The following ADAMTS17 variants were observed in gnomAD, a reference collection of about 807,000 sequenced individuals.
ADAMTS17 encodes the protein ADAM metallopeptidase with thrombospondin type 1 motif 17, also known as A disintegrin and metalloproteinase with thrombospondin motifs 17.
Under a neutral mutation model 141.5 loss-of-function variants are expected in ADAMTS17, and 113 were observed. That is an observed-to-expected ratio of 0.80 (90% CI 0.69 to 0.93). ADAMTS17 has a LOEUF of 0.93. ADAMTS17 is among the 40% of genes least tolerant of loss of function. The probability of loss-of-function intolerance (pLI) is 0.00; values close to 1 mark genes in which losing one functional copy is unlikely to be tolerated. For missense variants in ADAMTS17, 1,659 were observed against 1,517.9 expected (o/e 1.09, Z -1.54); for synonymous variants, 768 against 630.6 (o/e 1.22, Z -3.27).
At chr15:100,181,657 C>T (rs1349431284) in intron 8 of ADAMTS17, among the ~76,000 whole-genome samples, 1 of 152,178 alleles carries the variant, frequency 6.6e-6, no homozygotes, top group African/African-American at 2.4e-5. Flanking sequence ...TGGCTGGTGC[C>T]CTATCTTCCT....
chr15:100,329,009 C>G (rs915257824), intron 3 of ADAMTS17, among the ~76,000 whole-genome samples: 1 of 152,164 alleles, frequency 6.6e-6, no homozygotes, highest in Non-Finnish European at 1.5e-5. Context: ...TGGTTTTCAA[C>G]ACCAGCTGAA....
chr15:100,207,270 C>G (rs2041610340), intron 7 of ADAMTS17, among the ~76,000 whole-genome samples: 2 of 152,338 alleles, frequency 1.3e-5, no homozygotes, highest in African/African-American at 2.4e-5. Flanking sequence ...GAGAAGGCAG[C>G]TGTCGACAAG....
At chr15:100,188,966 C>G (rs913638149) in intron 8 of ADAMTS17, among the ~76,000 whole-genome samples, 1 of 152,240 alleles carries the variant, frequency 6.6e-6, no homozygotes, top group East Asian at 1.9e-4. Context: ...CCTGCAGCTG[C>G]AACACTGAGC....
chr15:100,329,884 T>C lies in ADAMTS17; in HGVS notation c.616+1005A>G, dbSNP rs552670076. ...ACAAGGTAATTCTAAAGCAGTCACA[T>C]AATTTATTCCCAATGTCACCGGGAT... On this transcript the variant is annotated intron_variant, in intron 3 of 21. Transcript: ENST00000268070. Among the ~76,000 whole-genome samples, 23 of 152,344 alleles carry C rather than the reference T, an allele frequency of 1.5e-4. No individual in the cohort carries two copies. The South Asian group carries it at 4.6e-3, about 30-fold the overall frequency.
At chr15:100,008,806 CAT>C (rs993660351) in intron 18 of ADAMTS17, among the ~76,000 whole-genome samples, 1 of 152,214 alleles carries the variant, frequency 6.6e-6, no homozygotes, top group African/African-American at 2.4e-5. Context: ...CTCTAACACA[CAT>C]GTGGTCACCC....
At chr15:100,215,483 G>T (rs2041942763) in intron 7 of ADAMTS17, among the ~76,000 whole-genome samples, 1 of 152,142 alleles carries the variant, frequency 6.6e-6, no homozygotes, top group Admixed American at 6.5e-5. Context: ...ATCTGAGCTT[G>T]TGCACTATAG....
intron 8 of ADAMTS17, among the ~76,000 whole-genome samples, chr15:100,156,091 C>T (rs1196071122): frequency 6.6e-6 from 1 of 152,222 alleles, no homozygotes; most frequent in Non-Finnish European, 1.5e-5. Context: ...CATGTACTTT[C>T]ATTCATTCAA....
chr15:100,243,226 C>A, intron 7 of ADAMTS17, among the ~76,000 whole-genome samples: 1 of 152,204 alleles, frequency 6.6e-6, no homozygotes, highest in East Asian at 1.9e-4. Context: ...TATCCACTCA[C>A]CCCTCTATCA....
intron 18 of ADAMTS17, among the ~76,000 whole-genome samples, chr15:100,015,840 T>A (rs552249322): frequency 2.0e-5 from 3 of 152,250 alleles, no homozygotes; most frequent in Non-Finnish European, 4.4e-5. Flanking sequence ...GATGACAATG[T>A]GCCTAAGTGA....
chr15:100,317,655 G>A (rs1218272727), intron 3 of ADAMTS17, among the ~76,000 whole-genome samples: 2 of 152,174 alleles, frequency 1.3e-5, no homozygotes, highest in Non-Finnish European at 2.9e-5. Flanking sequence ...TTTTGGGGGG[G>A]ACAACACTGA....
chr15:100,046,101 G>A (rs548683614), intron 18 of ADAMTS17, among the ~76,000 whole-genome samples: 65 of 152,170 alleles, frequency 4.3e-4, no homozygotes, highest in Non-Finnish European at 4.7e-4. Context: ...GGCTGATCTC[G>A]TACTCCTGAC....
intron 3 of ADAMTS17, among the ~76,000 whole-genome samples, chr15:100,286,707 C>T (rs1392690369): frequency 1.2e-4 from 18 of 152,078 alleles, no homozygotes; most frequent in Admixed American, 1.2e-3. Flanking sequence ...TCAGCCCATG[C>T]AGACGGGAAA....
rs149364527 is a variant in ADAMTS17 at position 100,105,559 on chromosome 15, T to C, written c.2016+3430A>G. Among the ~76,000 whole-genome samples the C allele has an allele frequency of 3.0e-3, 463 of 152,286 alleles. 1 individual carries two copies. The highest frequency in any genetic ancestry group is 6.0e-3 in the Admixed American group (92 of 15,304). On this transcript the variant is annotated intron_variant, in intron 14 of 21. Coordinates refer to ENST00000268070, the MANE Select transcript of ADAMTS17 (RefSeq NM_139057.4). ...TTTGTGTCTTCTAGAGTTCATAAAT[T>C]GAACCGTTCATACCAACGTGATAGT...
intron 3 of ADAMTS17, among the ~76,000 whole-genome samples, chr15:100,309,556 T>C (rs80125838): frequency 0.046 from 6,939 of 152,268 alleles, 491 homozygotes; most frequent in East Asian, 0.23. Context: ...GAGTCCTCTC[T>C]AATCCCAAAC....
chr15:100,147,088 C>T (rs373487357), intron 10 of ADAMTS17, among the ~76,000 whole-genome samples: 3 of 152,116 alleles, frequency 2.0e-5, no homozygotes, highest in Non-Finnish European at 4.4e-5. Context: ...GTGACCCACA[C>T]CTATTCGCAC....
chr15:100,166,371 A>G (rs1189754601), intron 8 of ADAMTS17, among the ~76,000 whole-genome samples: 1 of 151,320 alleles, frequency 6.6e-6, no homozygotes, highest in East Asian at 2.1e-4. Flanking sequence ...ATCCTTTTCT[A>G]TATTCCTTAT....
chr15:100,127,914 T>C (rs2037828128), intron 12 of ADAMTS17, among the ~76,000 whole-genome samples: 1 of 150,248 alleles, frequency 6.7e-6, no homozygotes, highest in Non-Finnish European at 1.5e-5. Flanking sequence ...TTCTGTACAA[T>C]GAAGATAAAA....
intron 13 of ADAMTS17, among the ~76,000 whole-genome samples, chr15:100,109,432 G>C (rs1345816075): frequency 6.7e-6 from 1 of 148,768 alleles, no homozygotes; most frequent in South Asian, 2.1e-4. Flanking sequence ...TAATCTCTAC[G>C]TTGAATACAC....
intron 8 of ADAMTS17, among the ~76,000 whole-genome samples, chr15:100,181,781 T>C (rs2040534468): frequency 6.6e-6 from 1 of 152,184 alleles, no homozygotes; most frequent in African/African-American, 2.4e-5. Context: ...TAGCCTGGGG[T>C]TGGGAGAGGG....
Sources: gnomAD v4.1 joint callset for allele counts (sites outside exome capture counted in the v4.1 genomes callset) on GRCh38, gnomAD v4.1.1 for gene constraint, MANE v1.5 for transcripts, NCBI Gene and HGNC (gene_info 2026-07-23, HGNC 2026-07-21) for gene names.